RERE: variants seen among roughly 807,000 people sequenced by gnomAD.
The protein encoded by RERE is arginine-glutamic acid dipeptide repeats, also known as arginine-glutamic acid dipeptide repeats protein.
A neutral mutation model predicts 146.1 loss-of-function variants in RERE; 40 were observed. The ratio of observed to expected loss-of-function variants is 0.27; its 90% CI spans 0.21 to 0.36. The LOEUF (loss-of-function observed/expected upper bound fraction) is 0.36, where lower values mean the gene tolerates loss of function less well. Ranked by LOEUF, RERE falls within the 10% of genes least tolerant of loss-of-function variation. RERE has a pLI of 1.00. For synonymous variants in RERE, 1,003 were observed against 866.0 expected, an observed-to-expected ratio of 1.16 and a Z score of -2.78; for missense variants, 1,933 against 2,138.7, an observed-to-expected ratio of 0.90 and a Z score of 1.90.
intron 18 of RERE, 35 bp downstream of exon 18, chr1:8,360,077 G>T: frequency 6.3e-7 from 1 of 1,580,088 alleles, no homozygotes; most frequent in Non-Finnish European, 8.6e-7. Context: ...CAGCCCACCT[G>T]TGCCTGACCC....
chr1:8,545,684 TC>T (rs1271747646), intron 6 of RERE, among the ~76,000 whole-genome samples: 2 of 144,610 alleles, frequency 1.4e-5, no homozygotes, highest in Non-Finnish European at 3.0e-5. Flanking sequence ...AATAAAAAAT[TC>T]TTTTTTTTTT....
chr1:8,709,370 T>C (rs1639621819), intron 1 of RERE, among the ~76,000 whole-genome samples: 1 of 151,860 alleles, frequency 6.6e-6, no homozygotes, highest in Non-Finnish European at 1.5e-5. Context: ...TCCACCCACC[T>C]CGGCCTCCCA....
chr1:8,552,341 G>A (rs763363656), intron 6 of RERE, among the ~76,000 whole-genome samples: 23 of 152,286 alleles, frequency 1.5e-4, no homozygotes, highest in Admixed American at 6.5e-4. Flanking sequence ...TACTGTGACC[G>A]GATGAAACCA....
intron 1 of RERE, among the ~76,000 whole-genome samples, chr1:8,732,898 T>C (rs1192461646): frequency 3.7e-5 from 5 of 135,788 alleles, no homozygotes; most frequent in African/African-American, 5.4e-5. Context: ...CTCAGCTCAC[T>C]GCAAGCTCCG....
intron 1 of RERE, among the ~76,000 whole-genome samples, chr1:8,667,977 G>C (rs1384420669): frequency 6.6e-6 from 1 of 152,110 alleles, no homozygotes; most frequent in Admixed American, 6.5e-5. Flanking sequence ...TTCTAACAAC[G>C]CAACCCACTG....
chr1:8,386,022 A>ATATATATTT (rs1186333936), intron 12 of RERE, among the ~76,000 whole-genome samples: 1 of 26,634 alleles, frequency 3.8e-5, no homozygotes, highest in African/African-American at 1.6e-4. Flanking sequence ...ATATATATAT[A>ATATATATTT]TTTTTTTTTT....
At chr1:8,477,119 C>T (rs1644766347) in intron 10 of RERE, among the ~76,000 whole-genome samples, 1 of 152,174 alleles carries the variant, frequency 6.6e-6, no homozygotes, top group African/African-American at 2.4e-5. Context: ...TCTTTAAATG[C>T]AATTATGGAT....
chr1:8,497,350 T>C (rs1645058859), intron 9 of RERE, 55 bp downstream of exon 9: 5 of 1,601,120 alleles, frequency 3.1e-6, no homozygotes, highest in East Asian at 2.2e-5. Context: ...TTACTGCCTA[T>C]AATCAGTTCA....
At chr1:8,641,288 GA>G in intron 2 of RERE, among the ~76,000 whole-genome samples, 1 of 152,240 alleles carries the variant, frequency 6.6e-6, no homozygotes, top group Non-Finnish European at 1.5e-5. Context: ...AAAACTGATA[GA>G]GTATAACAGA....
intron 4 of RERE, among the ~76,000 whole-genome samples, chr1:8,605,862 T>TTTTTTTTG (rs1553120665): frequency 6.8e-6 from 1 of 147,434 alleles, no homozygotes; most frequent in Non-Finnish European, 1.5e-5. Flanking sequence ...TTTTTTTTTT[T>TTTTTTTTG]GAGACAGCGT....
intron 9 of RERE, among the ~76,000 whole-genome samples, chr1:8,496,733 T>C (rs1570338902): frequency 6.6e-6 from 1 of 152,162 alleles, no homozygotes; most frequent in African/African-American, 2.4e-5. Flanking sequence ...TCGAAGGCAT[T>C]TGTATGTTCT....
intron 4 of RERE, among the ~76,000 whole-genome samples, chr1:8,588,226 T>G (rs1484584352): frequency 6.6e-6 from 1 of 152,194 alleles, no homozygotes; most frequent in African/African-American, 2.4e-5. Context: ...ATAAAAACAT[T>G]TCAAAAGACC....
intron 6 of RERE, among the ~76,000 whole-genome samples, chr1:8,547,747 T>G (rs1645882921): frequency 6.6e-6 from 1 of 152,200 alleles, no homozygotes; most frequent in Non-Finnish European, 1.5e-5. Context: ...ACAGGCTGCT[T>G]CATACTTATC....
chr1:8,368,849 C>T (rs1226816163), intron 12 of RERE, among the ~76,000 whole-genome samples: 1 of 151,840 alleles, frequency 6.6e-6, no homozygotes, highest in African/African-American at 2.4e-5. Flanking sequence ...TCACTTGAGG[C>T]CAGGAGTTCA....
chr1:8,743,225 A>G (rs1388078416), intron 1 of RERE, among the ~76,000 whole-genome samples: 1 of 151,884 alleles, frequency 6.6e-6, no homozygotes, highest in Non-Finnish European at 1.5e-5. Context: ...GCAAGACCCC[A>G]TCTCTACAAA....
At chr1:8,623,346 G>T (rs1194718180) in intron 3 of RERE, among the ~76,000 whole-genome samples, 3 of 152,158 alleles carry the variant, frequency 2.0e-5, no homozygotes, top group African/African-American at 7.2e-5. Context: ...AGCTACTCGG[G>T]AGGCTGAGGC....
In RERE at chr1:8,564,870, G is replaced by GTGTGTGTGTGTGTA. The variant is rs1269710840; in HGVS notation, c.523-7348_523-7347insTACACACACACACA. ...TGTGTGTGTGTGTGTGTGTGTGTGT[G>GTGTGTGTGTGTGTA]TATATATATATATAAAACTACTATT... On this transcript the variant is annotated intron_variant, in intron 4 of 22. Transcript: ENST00000400908. 5.3e-3 allele frequency among the ~76,000 whole-genome samples: 674 copies of GTGTGTGTGTGTGTA among 127,334 alleles called. 3 individuals carry two copies. Among genetic ancestry groups the GTGTGTGTGTGTGTA allele is most frequent in the Middle Eastern group, 0.012 (3 of 256 alleles). 83.5% of individuals were successfully genotyped at this position (127,334 alleles called of 152,430 possible). A position where few individuals can be genotyped will look rare whatever the true frequency, so the allele number is the denominator to read the frequency against.
chr1:8,658,089 G>C (rs1208555915), intron 1 of RERE, among the ~76,000 whole-genome samples: 1 of 152,160 alleles, frequency 6.6e-6, no homozygotes, highest in East Asian at 1.9e-4. Context: ...ATATTTTATA[G>C]CAGGAAAAAA....
chr1:8,554,181 G>A (rs1645975662), intron 6 of RERE, among the ~76,000 whole-genome samples: 1 of 151,962 alleles, frequency 6.6e-6, no homozygotes. Context: ...GCAACACCCC[G>A]TCTCAGAAAA....
Sources: allele counts gnomAD v4.1 joint callset (sites outside exome capture counted in the v4.1 genomes callset), GRCh38; gene constraint gnomAD v4.1.1; transcripts MANE v1.5; gene names NCBI Gene and HGNC (gene_info 2026-07-23, HGNC 2026-07-21).